The following MMP26 variants were observed in gnomAD, a reference collection of about 807,000 sequenced individuals.
The protein encoded by MMP26 is matrix metalloproteinase-26.
Under a neutral mutation model 31.0 loss-of-function variants are expected in MMP26, and 33 were observed. The observed-to-expected ratio is 1.06, with a 90% CI of 0.81 to 1.42. The LOEUF (loss-of-function observed/expected upper bound fraction) is 1.42. Ranked by LOEUF, MMP26 falls within the 40% of genes most tolerant of loss-of-function variation. The pLI, the probability that MMP26 is intolerant of heterozygous loss-of-function variation, is 0.00. For synonymous variants in MMP26, 122 were observed against 114.9 expected (o/e 1.06, Z -0.40); for missense variants, 347 against 316.1 (o/e 1.10, Z -0.74).
intron 2 of MMP26, among the ~76,000 whole-genome samples, chr11:4,845,418 A>G (rs559682054): frequency 5.9e-5 from 9 of 152,266 alleles, no homozygotes; most frequent in Non-Finnish European, 1.2e-4. Flanking sequence ...CTTAATTTGT[A>G]TGGAACCATA....
At position 4,901,664 on chromosome 11, in the gene MMP26, C is replaced by G. The variant is rs190676276; in HGVS notation, c.-144-86404C>G. 3.0e-3 allele frequency among the ~76,000 whole-genome samples: 457 copies of G among 152,144 alleles called. 3 individuals are homozygous for G. The highest frequency in any genetic ancestry group is 0.016 in the East Asian group (84 of 5,156). ...TAGTTTGTCTATTAACTGAGAGAGG[C>G]TGTCGCAATTTTTCCTATACCGCAG... On this transcript the variant is annotated intron_variant, in intron 2 of 7. Coordinates refer to ENST00000380390, the MANE Select transcript of MMP26 (RefSeq NM_021801.5).
intron 2 of MMP26, among the ~76,000 whole-genome samples, chr11:4,790,816 A>G (rs926551898): frequency 6.6e-6 from 1 of 152,296 alleles, no homozygotes; most frequent in East Asian, 1.9e-4. Flanking sequence ...ATATTTCTTC[A>G]TGCACACCAT....
At chr11:4,715,146 G>A (rs1277644135) in intron 1 of MMP26, among the ~76,000 whole-genome samples, 1 of 152,024 alleles carries the variant, frequency 6.6e-6, no homozygotes, top group Non-Finnish European at 1.5e-5. Context: ...TATATTGTAT[G>A]CCCATACTTC....
intron 2 of MMP26, chr11:4,943,473 C>T (rs753321027): frequency 7.0e-5 from 32 of 455,946 alleles, no homozygotes; most frequent in Admixed American, 6.4e-4. Context: ...TTGATAGTTA[C>T]ATTTAGACTA....
chr11:4,730,477 A>G (rs566657927), intron 1 of MMP26, among the ~76,000 whole-genome samples: 3 of 151,702 alleles, frequency 2.0e-5, no homozygotes, highest in Middle Eastern at 3.4e-3. Context: ...ACTCAACCAA[A>G]CAGGAGCCCT....
intron 2 of MMP26, among the ~76,000 whole-genome samples, chr11:4,851,235 G>T (rs1447932340): frequency 6.6e-6 from 1 of 152,168 alleles, no homozygotes; most frequent in African/African-American, 2.4e-5. Flanking sequence ...ATCAACAGTG[G>T]TCAGATAAGG....
At chr11:4,787,051 A>G (rs1165927162) in intron 2 of MMP26, 1 of 152,934 alleles carries the variant, frequency 6.5e-6, no homozygotes, top group East Asian at 1.9e-4. Context: ...CAATGCATGT[A>G]TCATCCAGCT....
At chr11:4,972,771 G>C (rs1846682134) in intron 2 of MMP26, among the ~76,000 whole-genome samples, 1 of 152,182 alleles carries the variant, frequency 6.6e-6, no homozygotes, top group Non-Finnish European at 1.5e-5. Context: ...ATTTACATAA[G>C]AGTCCCAAGC....
At chr11:4,865,203 A>G (rs1850217766) in intron 2 of MMP26, among the ~76,000 whole-genome samples, 1 of 152,018 alleles carries the variant, frequency 6.6e-6, no homozygotes, top group Non-Finnish European at 1.5e-5. Flanking sequence ...GGCCTCACAT[A>G]TTCTTTAATT....
chr11:4,790,009 A>T (rs1849002174), intron 2 of MMP26, among the ~76,000 whole-genome samples: 1 of 152,198 alleles, frequency 6.6e-6, no homozygotes, highest in Non-Finnish European at 1.5e-5. Flanking sequence ...AAATAGATGG[A>T]TGCACACATA....
At chr11:4,854,384 A>C (rs965842577) in intron 2 of MMP26, among the ~76,000 whole-genome samples, 1 of 152,232 alleles carries the variant, frequency 6.6e-6, no homozygotes, top group Non-Finnish European at 1.5e-5. Flanking sequence ...CTTTTCCAAC[A>C]GTCTTAGCAA....
At chr11:4,961,778 T>C (rs952060134) in intron 2 of MMP26, among the ~76,000 whole-genome samples, 1 of 152,202 alleles carries the variant, frequency 6.6e-6, no homozygotes, top group Non-Finnish European at 1.5e-5. Context: ...TAAGAATTTT[T>C]AACTTTTGGG....
intron 2 of MMP26, among the ~76,000 whole-genome samples, chr11:4,855,872 T>C (rs908135490): frequency 6.6e-6 from 1 of 152,212 alleles, no homozygotes; most frequent in Non-Finnish European, 1.5e-5. Context: ...ACAGTGGATC[T>C]CTTGGCAGAA....
intron 2 of MMP26, chr11:4,803,680 C>G (rs774493923): frequency 2.6e-5 from 42 of 1,613,744 alleles, no homozygotes; most frequent in Non-Finnish European, 3.2e-5. Context: ...GCGGGCTTCA[C>G]CTGAGGGCAA....
At chr11:4,874,565 G>GGTGTCTGTGT (rs1554888276) in intron 2 of MMP26, among the ~76,000 whole-genome samples, 1 of 149,052 alleles carries the variant, frequency 6.7e-6, no homozygotes, top group Non-Finnish European at 1.5e-5. Flanking sequence ...GTGGTGTGTT[G>GGTGTCTGTGT]GTGTGTGTGT....
intron 3 of MMP26, among the ~76,000 whole-genome samples, chr11:4,989,371 T>G (rs565578470): frequency 6.6e-6 from 1 of 152,214 alleles, no homozygotes; most frequent in Non-Finnish European, 1.5e-5. Flanking sequence ...CGTTTATACT[T>G]GGGTTTCTCC....
chr11:4,814,827 C>T (rs968362655), intron 2 of MMP26, among the ~76,000 whole-genome samples: 2 of 152,114 alleles, frequency 1.3e-5, no homozygotes, highest in African/African-American at 4.8e-5. Flanking sequence ...CATAGTAATT[C>T]TGCATATAGT....
At chr11:4,931,925 T>A (rs1233290676) in intron 2 of MMP26, among the ~76,000 whole-genome samples, 2 of 152,018 alleles carry the variant, frequency 1.3e-5, no homozygotes, top group Non-Finnish European at 2.9e-5. Flanking sequence ...GTAGGGAGAC[T>A]AAAGAAGCTA....
chr11:4,847,391 T>C (rs2133495847), intron 2 of MMP26: 1 of 152,308 alleles, frequency 6.6e-6, no homozygotes, highest in East Asian at 1.9e-4. Context: ...ATAATTATAG[T>C]TAAGTTTGGG....
Sources: gnomAD v4.1 joint callset for allele counts (sites outside exome capture counted in the v4.1 genomes callset) on GRCh38, gnomAD v4.1.1 for gene constraint, MANE v1.5 for transcripts, NCBI Gene and HGNC (gene_info 2026-07-23, HGNC 2026-07-21) for gene names.